ZNF562: variants seen among roughly 807,000 people sequenced by gnomAD.
The protein encoded by ZNF562 is zinc finger protein 562.
In ZNF562, 13 loss-of-function variants were observed where a neutral mutation model predicts 17.5. That is an observed-to-expected ratio of 0.74 (90% confidence interval 0.48 to 1.18). The LOEUF (loss-of-function observed/expected upper bound fraction) is 1.18, where lower values mean the gene tolerates loss of function less well. ZNF562 is among the 50% of genes most tolerant of loss of function. The pLI is 0.00. For missense variants in ZNF562, 481 were observed against 498.5 expected (o/e 0.96, Z 0.33); for synonymous variants, 163 against 165.4 (o/e 0.99, Z 0.11).
At chr19:9,654,589 C>A (rs1433309028) in intron 5 of ZNF562, among the ~76,000 whole-genome samples, 3 of 152,066 alleles carry the variant, frequency 2.0e-5, no homozygotes, top group Non-Finnish European at 4.4e-5. Context: ...AGCCTGCCAA[C>A]TAGCATGTGC....
In ZNF562 at chr19:9,643,986, C is replaced by G. The variant is rs1008157257; in HGVS notation, c.*8963G>C. 2 of 151,792 alleles carry G rather than the reference C, an allele frequency of 1.3e-5. No homozygotes were observed. The highest frequency in any genetic ancestry group is 2.9e-5 in the Non-Finnish European group (2 of 67,974). 9.4% of individuals were successfully genotyped at this position (151,792 alleles called of 1,614,324 possible). On this transcript the variant is annotated 3_prime_UTR_variant, in exon 6 of 6. Coordinates refer to ENST00000453372, the MANE Select transcript of ZNF562 (RefSeq NM_001130031.2). ...TATATTTTTTTAGTTTTAGTAGATA[C>G]AAGGTTTCACCGTTTTAGCCAGGAT...
chr19:9,660,948 C>A (rs2043712200), intron 1 of ZNF562, 74 bp from the exon 2 acceptor site: 1 of 465,296 alleles, frequency 2.1e-6, no homozygotes, highest in Non-Finnish European at 3.8e-6. Flanking sequence ...TTTCTCTCTG[C>A]AGGTGACAGA....
In ZNF562 at chr19:9,660,802, C is replaced by T; in HGVS notation, c.-58G>A. ...GCTGTCTTTCTTGATGCCAAGATCGCCTCAGGGCAGCTTATGAATCTAGGT... is the reference window on the plus strand; with the variant it reads ...GCTGTCTTTCTTGATGCCAAGATCGTCTCAGGGCAGCTTATGAATCTAGGT... On this transcript the variant is annotated 5_prime_UTR_variant, in exon 2 of 6. Transcript: ENST00000453372. The T allele has an allele frequency of 6.3e-7, 1 of 1,593,408 alleles. No homozygotes were observed. Among genetic ancestry groups the T allele is most frequent in the Non-Finnish European group, 8.6e-7 (1 of 1,165,332 alleles).
In ZNF562 at chr19:9,652,389, C is replaced by G. The variant is rs1318496381; in HGVS notation, c.*560G>C. 6.6e-6 allele frequency: 1 copy of G among 152,298 alleles called. No homozygotes were observed. Among genetic ancestry groups the G allele is most frequent in the Non-Finnish European group, 1.5e-5 (1 of 68,114 alleles). 9.4% of individuals were successfully genotyped at this position (152,298 alleles called of 1,614,324 possible). The stretch of plus-strand genomic sequence containing the variant: ...GGAGCATCTTTTTAACAATCCACCT[C>G]TGGGGCCTACATCATCTTGGCTTCT... On this transcript the variant is annotated 3_prime_UTR_variant, in exon 6 of 6. Coordinates refer to ENST00000453372, the MANE Select transcript of ZNF562 (RefSeq NM_001130031.2).
rs547489865 is a variant in ZNF562, at chr19:9,665,269, A to C, written c.-130-4395T>G. On this transcript the variant is annotated intron_variant, in intron 1 of 5. Transcript: ENST00000453372. ...CTGTGGCTACAACGAAGTGAAAAAA[A>C]CTCCAAGGAGATGGTAAGAGAATCA... 5.3e-5 allele frequency among the ~76,000 whole-genome samples: 8 copies of C among 152,096 alleles called. No individual in the cohort carries two copies. The South Asian group carries it at 1.5e-3, about 28-fold the overall frequency.
intron 3 of ZNF562, 49 bp downstream of exon 3, chr19:9,659,330 T>C (rs2043635155): frequency 1.4e-6 from 2 of 1,467,926 alleles, no homozygotes; most frequent in Admixed American, 2.0e-5. Flanking sequence ...TGTGTCTACC[T>C]ATTGGATGTA....
chr19:9,657,083 T>C (rs1599280317), intron 4 of ZNF562, among the ~76,000 whole-genome samples: 1 of 147,672 alleles, frequency 6.8e-6, no homozygotes, highest in African/African-American at 2.5e-5. Flanking sequence ...CTTGAGGATT[T>C]TGGTATGTCA....
At chr19:9,656,871 A>AAAAAATATATATATATATATAT (rs376933513) in intron 4 of ZNF562, among the ~76,000 whole-genome samples, 2 of 142,436 alleles carry the variant, frequency 1.4e-5, no homozygotes, top group African/African-American at 5.2e-5. Context: ...AAAATACAAA[A>AAAAAATATATATATATATATAT]ATATATATAT....
In ZNF562 at chr19:9,646,417, C is replaced by T. The variant is rs1040082589; in HGVS notation, c.*6532G>A. The T allele has an allele frequency of 2.0e-5, 3 of 151,972 alleles. No homozygotes were observed. The highest frequency in any genetic ancestry group is 2.0e-4 in the Admixed American group (3 of 15,250). The allele number at this position is 151,972 out of a possible 1,614,324, so 9.4% of individuals were successfully genotyped here. A position where few individuals can be genotyped will look rare whatever the true frequency, so the allele number is the denominator to read the frequency against. ...CAGCTAAAGTATGTATAAAAAGACA[C>T]ATTTTTTTAAAAAGCATACAGAAAG... On this transcript the variant is annotated 3_prime_UTR_variant, in exon 6 of 6. Transcript: ENST00000453372.
rs900910449 is a variant in ZNF562, at chr19:9,646,450, A to G, written c.*6499T>C. ...TAAAAAGCATACAGAAAGACTAAGA[A>G]GTAGAGGAAAATCAAGCTGATGTAA... is the stretch of plus-strand genomic sequence containing the variant. On this transcript the variant is annotated 3_prime_UTR_variant, in exon 6 of 6. Transcript: ENST00000453372. 1.3e-5 allele frequency: 2 copies of G among 151,110 alleles called. No homozygotes were observed. The highest frequency in any genetic ancestry group is 3.0e-5 in the Non-Finnish European group (2 of 67,184). The allele number at this position is 151,110 out of a possible 1,614,324, so 9.4% of individuals were successfully genotyped here.
chr19:9,653,436 C>G lies in ZNF562; in HGVS notation c.794G>C (p.Cys265Ser), dbSNP rs1207604169. The G allele has an allele frequency of 1.9e-6, 3 of 1,614,162 alleles. No individual in the cohort carries two copies. The highest frequency in any genetic ancestry group is 2.2e-5 in the South Asian group (2 of 91,086). Reference protein sequence around the residue: ...TGKKSEKTKNCGKSFTNFSQL... With the variant: ...TGKKSEKTKNSGKSFTNFSQL... ...AGAAAAATTAGTGAAGGATTTCCCA[C>G]AGTTCTTAGTCTTTTCGGATTTCTT... Residue 265 changes from cysteine to serine, a missense_variant, in exon 6 of 6, where the codon TGT becomes TCT. Physicochemically the swap from Cys to Ser is moderately radical, Grantham distance 112 (BLOSUM62 -1). Coordinates refer to ENST00000453372, the MANE Select transcript of ZNF562 (RefSeq NM_001130031.2).
At chr19:9,662,548 C>G (rs981555499) in intron 1 of ZNF562, among the ~76,000 whole-genome samples, 1 of 148,226 alleles carries the variant, frequency 6.7e-6, no homozygotes, top group Non-Finnish European at 1.5e-5. Context: ...GGTGACAGAG[C>G]GAGACTCCAT....
At position 9,653,589 on chromosome 19, in the gene ZNF562, T is replaced by C; in HGVS notation, c.641A>G (p.Lys214Arg). ...GTGATTATCAAGGCTTGCAAAATAC[T>C]TAAAGCCTTTTCCACATTCCTTACA... is the stretch of plus-strand genomic sequence containing the variant. ...YKCKECGKGFKYFASLDNHMG... is the reference protein window; with the variant it reads ...YKCKECGKGFRYFASLDNHMG... The change falls in exon 6 of 6, where the codon AAG becomes AGG. Residue 214 changes from lysine to arginine, a missense_variant. Lys to Arg is a conservative substitution (Grantham distance 26). Transcript: ENST00000453372. The C allele has an allele frequency of 6.2e-7, 1 of 1,614,168 alleles. No individual in the cohort carries two copies. Among genetic ancestry groups the C allele is most frequent in the South Asian group, 1.1e-5 (1 of 91,088 alleles).
intron 1 of ZNF562, among the ~76,000 whole-genome samples, chr19:9,663,951 C>A (rs1430228801): frequency 6.6e-6 from 1 of 151,950 alleles, no homozygotes; most frequent in Non-Finnish European, 1.5e-5. Flanking sequence ...GATGGGGTTT[C>A]ACAATGACAG....
intron 5 of ZNF562, among the ~76,000 whole-genome samples, chr19:9,655,840 G>A (rs1057050301): frequency 7.5e-5 from 10 of 134,056 alleles, no homozygotes; most frequent in African/African-American, 2.2e-4. Context: ...GTAAGCAATT[G>A]TCCTGCCTCA....
chr19:9,653,855 T>C lies in ZNF562; in HGVS notation c.375A>G (p.Lys125=). The C allele has an allele frequency of 6.3e-7, 1 of 1,592,000 alleles. No individual in the cohort carries two copies. The highest frequency in any genetic ancestry group is 8.6e-7 in the Non-Finnish European group (1 of 1,169,576). The change falls in exon 6 of 6, where the codon AAA becomes AAG. Residue 125 remains lysine, a synonymous_variant. Transcript: ENST00000453372. ...AGACCTCTCCACAATTCTCACAGAGTTTCCATCCACTGTAGCTTCTTGTCT... is the reference window on the plus strand; with the variant it reads ...AGACCTCTCCACAATTCTCACAGAGCTTCCATCCACTGTAGCTTCTTGTCT... The part of the protein sequence containing the change: ...QMQTRSYSGW[K]LCENCGEVFS...
chr19:9,665,234 A>AAG (rs909190930), intron 1 of ZNF562, among the ~76,000 whole-genome samples: 3 of 151,994 alleles, frequency 2.0e-5, no homozygotes, highest in African/African-American at 7.2e-5. Flanking sequence ...AAAAAAAAAA[A>AAG]AAGCAGTTTC....
intron 1 of ZNF562, among the ~76,000 whole-genome samples, chr19:9,672,366 GTATT>G (rs1568285091): frequency 6.6e-6 from 1 of 152,124 alleles, no homozygotes; most frequent in Non-Finnish European, 1.5e-5. Flanking sequence ...GCATTACAAA[GTATT>G]TAAAGGTCAA....
chr19:9,649,921 CAT>C lies in ZNF562; in HGVS notation c.*3026_*3027del, dbSNP rs1454156160. On this transcript the variant is annotated 3_prime_UTR_variant, in exon 6 of 6. Coordinates refer to ENST00000453372, the MANE Select transcript of ZNF562 (RefSeq NM_001130031.2). ...TGTGGGGCATCACGGAACCTACCGACATGTGATGTCTGCCCCGGACACCCAGC... is the reference window on the plus strand; with the variant it reads ...TGTGGGGCATCACGGAACCTACCGACGTGATGTCTGCCCCGGACACCCAGC... 1 of 152,138 alleles carries C rather than the reference CAT, an allele frequency of 6.6e-6. No individual in the cohort carries two copies. Among genetic ancestry groups the C allele is most frequent in the East Asian group, 1.9e-4 (1 of 5,188 alleles). The allele number at this position is 152,138 out of a possible 1,614,324, so 9.4% of individuals were successfully genotyped here.
Sources: allele counts gnomAD v4.1 joint callset (sites outside exome capture counted in the v4.1 genomes callset), GRCh38; gene constraint gnomAD v4.1.1; transcripts MANE v1.5; gene names NCBI Gene and HGNC (gene_info 2026-07-23, HGNC 2026-07-21).